Variants in TMEM247 observed in about 807,000 individuals in gnomAD.
The protein encoded by TMEM247 is transmembrane protein 247.
In TMEM247, 23 loss-of-function variants were observed where a neutral mutation model predicts 20.7. That is an observed-to-expected ratio of 1.11 (90% CI 0.80 to 1.57). The LOEUF is 1.57. Among genes scored for constraint, TMEM247 ranks in the 40% most tolerant of loss-of-function variants. The pLI is 0.00. For missense variants in TMEM247, 354 were observed against 283.8 expected (o/e 1.25, Z -1.78); for synonymous variants, 106 against 111.9 (o/e 0.95, Z 0.33).
intron 1 of TMEM247, among the ~76,000 whole-genome samples, 188 bp downstream of exon 1, chr2:46,479,890 T>C (rs1156559746): frequency 6.6e-6 from 1 of 152,208 alleles, no homozygotes; most frequent in African/African-American, 2.4e-5. Context: ...TGAAGTCATA[T>C]GAAGCTGGGT....
At chr2:46,480,376 A>G (rs1391906886) in intron 1 of TMEM247, 29 bp from the exon 2 acceptor site, 1 of 1,508,550 alleles carries the variant, frequency 6.6e-7, no homozygotes, top group African/African-American at 1.4e-5. Context: ...TCTTCAAGGT[A>G]CCTCCCCTCC....
At chr2:46,480,425 AGACTCCTCCTAT>A (rs1686856453) in exon 2 of TMEM247, 2 of 1,548,384 alleles carry the variant, frequency 1.3e-6, no homozygotes, top group South Asian at 2.4e-5. Flanking sequence ...CCCAGAAGCC[AGACTCCTCCTAT>A]GACTACTTGG....
At chr2:46,479,645 C>T (rs368647211) in exon 1 of TMEM247, 1 of 1,551,740 alleles carries the variant, frequency 6.4e-7, no homozygotes, top group Admixed American at 2.0e-5. Context: ...GTTGCCCGAC[C>T]TTCCCCAAGA....
rs751904338 is a variant in TMEM247, at chr2:46,480,553, C to T, written c.266C>T (p.Pro89Leu). The T allele has an allele frequency of 1.5e-5, 24 of 1,551,620 alleles. No homozygotes were observed. The highest frequency in any genetic ancestry group is 2.0e-5 in the Admixed American group (1 of 50,982). ...GGCCAGGCTGGCGACGGACCCAAAC[C>T]CGCAGAGCTGCCCCCGACCCCTGGG... The change falls in exon 2 of 3, where the codon CCC (proline) becomes CTC (leucine). Residue 89 changes from proline to leucine, a missense_variant. Transcript: ENST00000434431.
exon 2 of TMEM247, chr2:46,480,743 G>C: frequency 6.5e-7 from 1 of 1,549,876 alleles, no homozygotes; most frequent in East Asian, 2.4e-5. Flanking sequence ...AGCAGCTGCA[G>C]CAAGAGGCGG....
At chr2:46,482,496 C>T (rs1686908409) in intron 2 of TMEM247, among the ~76,000 whole-genome samples, 1 of 152,222 alleles carries the variant, frequency 6.6e-6, no homozygotes, top group Non-Finnish European at 1.5e-5. Flanking sequence ...AAATCTTTCT[C>T]CTTGCTGGAT....
intron 2 of TMEM247, among the ~76,000 whole-genome samples, chr2:46,482,722 C>T (rs1186784374): frequency 6.6e-6 from 1 of 152,220 alleles, no homozygotes; most frequent in Non-Finnish European, 1.5e-5. Context: ...ACTGAGCCTG[C>T]AGAGAACCGT....
exon 3 of TMEM247, chr2:46,484,397 C>T (rs370060631): frequency 9.0e-6 from 14 of 1,551,952 alleles, no homozygotes; most frequent in African/African-American, 5.5e-5. Flanking sequence ...AGCCATTTTG[C>T]TCTGTTTGAT....
intron 1 of TMEM247, among the ~76,000 whole-genome samples, 197 bp downstream of exon 1, chr2:46,479,899 G>A (rs896877336): frequency 3.3e-5 from 5 of 152,166 alleles, no homozygotes; most frequent in African/African-American, 1.2e-4. Context: ...ATGAAGCTGG[G>A]TTTGGTCTCC....
intron 2 of TMEM247, among the ~76,000 whole-genome samples, chr2:46,481,908 G>A (rs1007280424): frequency 6.6e-6 from 1 of 152,098 alleles, no homozygotes; most frequent in Non-Finnish European, 1.5e-5. Flanking sequence ...GTATAGGTTG[G>A]CAATGTTCCA....
intron 2 of TMEM247, among the ~76,000 whole-genome samples, chr2:46,482,401 A>G (rs1284308265): frequency 2.0e-5 from 3 of 152,220 alleles, no homozygotes; most frequent in Non-Finnish European, 4.4e-5. Flanking sequence ...ACCTGAAACT[A>G]TTTAAAGCAG....
In TMEM247 at chr2:46,479,641, C is replaced by A. The variant is rs1437170332; in HGVS notation, c.56C>A (p.Pro19Gln). ...GCCCGGGGTGCGGGAGAAAGTTGCC[C>A]GACCTTCCCCAAGATGGTGCCTGGT... The change falls in exon 1 of 3, where the codon CCG (proline) becomes CAG (glutamine). Residue 19 changes from proline (P) to glutamine (Q), a missense_variant. Coordinates refer to ENST00000434431, the Ensembl canonical transcript of TMEM247. 4 of 1,551,560 alleles carry A rather than the reference C, an allele frequency of 2.6e-6. No homozygotes were observed. In the Admixed American group the frequency reaches 7.8e-5, roughly 30 times the overall value.
chr2:46,483,732 C>T (rs1207307486), intron 2 of TMEM247, among the ~76,000 whole-genome samples: 1 of 152,304 alleles, frequency 6.6e-6, no homozygotes, highest in South Asian at 2.1e-4. Context: ...CTTCTATGTG[C>T]TAGTTACCTG....
Position 46,480,092 on chromosome 2 carries a change from G to C in TMEM247, c.118-313G>C, listed in dbSNP as rs1423911167. On this transcript the variant is annotated intron_variant, in intron 1 of 2. Coordinates refer to ENST00000434431, the Ensembl canonical transcript of TMEM247. ...ACTGACCTCAAAGTCAGGTAGAGTT[G>C]AGGATGGGCCCGGAAGTTGCCTCTT... Among the ~76,000 whole-genome samples, 17 of 152,268 alleles carry C rather than the reference G, an allele frequency of 1.1e-4. 1 individual carries two copies. Among genetic ancestry groups the C allele is most frequent in the Admixed American group, 9.8e-4 (15 of 15,296 alleles).
chr2:46,480,466 A>T (rs1238649387), exon 2 of TMEM247: 5 of 1,551,654 alleles, frequency 3.2e-6, no homozygotes, highest in Middle Eastern at 3.3e-4. Flanking sequence ...GAAGCTTGTG[A>T]GGACGGAGGC....
intron 2 of TMEM247, among the ~76,000 whole-genome samples, chr2:46,481,875 A>C (rs1401466659): frequency 1.3e-5 from 2 of 152,254 alleles, no homozygotes; most frequent in Admixed American, 1.3e-4. Flanking sequence ...AATGACCTAA[A>C]GTAAATACCA....
intron 2 of TMEM247, among the ~76,000 whole-genome samples, chr2:46,483,797 A>AT (rs764681139): frequency 7.2e-4 from 109 of 152,056 alleles, no homozygotes; most frequent in Non-Finnish European, 1.1e-3. Flanking sequence ...GTTTTGTTTT[A>AT]TTTTTTTAAG....
chr2:46,480,681 G>T lies in TMEM247; in HGVS notation c.394G>T (p.Glu132Ter). ...GAAGAACCAGCGGCAGCGGCAGCAC[G>T]AGGTGGTGATGGAGCAGCTGCAGCG... The change falls in exon 2 of 3, where the codon GAG (glutamate) becomes TAG (stop). Residue 132 changes from glutamate to a stop codon, truncating the protein, a stop_gained. Coordinates refer to ENST00000434431, the Ensembl canonical transcript of TMEM247. LOFTEE classifies it high-confidence loss of function. 1 of 1,550,874 alleles carries T rather than the reference G, an allele frequency of 6.4e-7. No individual in the cohort carries two copies. The highest frequency in any genetic ancestry group is 1.2e-5 in the South Asian group (1 of 83,938).
At chr2:46,480,468 G>A in exon 2 of TMEM247, 1 of 1,551,662 alleles carries the variant, frequency 6.4e-7, no homozygotes. Flanking sequence ...AGCTTGTGAG[G>A]ACGGAGGCTG....
Sources: gnomAD v4.1 joint callset for allele counts (sites outside exome capture counted in the v4.1 genomes callset) on GRCh38, gnomAD v4.1.1 for gene constraint, MANE v1.5 for transcripts, NCBI Gene and HGNC (gene_info 2026-07-23, HGNC 2026-07-21) for gene names.